Variants in RNF38 observed in about 807,000 individuals in gnomAD.
The protein encoded by RNF38 is ring finger protein 38.
Under a neutral mutation model 67.2 loss-of-function variants are expected in RNF38, and 15 were observed. The ratio of observed to expected loss-of-function variants is 0.22; its 90% CI spans 0.15 to 0.34. The LOEUF is 0.34. Ranked by LOEUF, RNF38 falls within the 10% of genes least tolerant of loss-of-function variation. The pLI, the probability that RNF38 is intolerant of heterozygous loss-of-function variation, is 1.00. For synonymous variants in RNF38, 220 were observed against 218.8 expected (o/e 1.01, Z -0.05); for missense variants, 524 against 639.9 (o/e 0.82, Z 1.95).
intron 2 of RNF38, 87 bp downstream of exon 2, chr9:36,390,380 A>T (rs1023853341): frequency 3.7e-5 from 41 of 1,113,676 alleles, no homozygotes; most frequent in Non-Finnish European, 4.8e-5. Context: ...AGGAGACGAT[A>T]TTGGGCATTT....
chr9:36,446,810 GAAAAAAAAA>G (rs60691553), intron 1 of RNF38, among the ~76,000 whole-genome samples: 52 of 28,218 alleles, frequency 1.8e-3, no homozygotes, highest in Non-Finnish European at 2.2e-3. Context: ...TCCGCCTCAA[GAAAAAAAAA>G]AAAAAAAAAA....
intron 2 of RNF38, among the ~76,000 whole-genome samples, chr9:36,422,734 G>C (rs1838663773): frequency 6.6e-6 from 1 of 152,174 alleles, no homozygotes; most frequent in African/African-American, 2.4e-5. Context: ...TTACCCTGCT[G>C]ATCTCCTGTT....
At chr9:36,413,488 AG>A (rs1165282138) in intron 2 of RNF38, among the ~76,000 whole-genome samples, 1 of 152,226 alleles carries the variant, frequency 6.6e-6, no homozygotes, top group Non-Finnish European at 1.5e-5. Context: ...CAGACACAAA[AG>A]GCTACATTTT....
chr9:36,399,523 AATATATTATAAATAT>A (rs1837832766), intron 1 of RNF38, among the ~76,000 whole-genome samples: 1 of 146,490 alleles, frequency 6.8e-6, no homozygotes, highest in African/African-American at 2.5e-5. Flanking sequence ...ATTATAAATA[AATATATTATAAATAT>A]ATATTTATAA....
intron 3 of RNF38, among the ~76,000 whole-genome samples, chr9:36,373,272 G>C (rs550142892): frequency 6.6e-6 from 1 of 152,266 alleles, no homozygotes; most frequent in African/African-American, 2.4e-5. Flanking sequence ...TACATAAATT[G>C]TGTGGTACAT....
intron 1 of RNF38, among the ~76,000 whole-genome samples, chr9:36,425,499 A>C (rs1243166962): frequency 6.6e-6 from 1 of 152,106 alleles, no homozygotes; most frequent in East Asian, 1.9e-4. Context: ...TTTGAGACCA[A>C]GCTGGCCAAC....
rs183380812 is a variant in RNF38 at position 36,446,799 on chromosome 9, C to T, written n.242-22116G>A. ...CTTCAGCCTGGGCGACAGAGTGAGA[C>T]TCCGCCTCAAGAAAAAAAAAAAAAA... On this transcript the variant is annotated intron_variant and non_coding_transcript_variant, in intron 1 of 3. Transcript: ENST00000488058. Among the ~76,000 whole-genome samples, 225 of 128,426 alleles carry T rather than the reference C, an allele frequency of 1.8e-3. 1 individual carries two copies. The highest frequency in any genetic ancestry group is 6.4e-3 in the African/African-American group (212 of 32,906). 84.3% of individuals were successfully genotyped at this position (128,426 alleles called of 152,430 possible).
At chr9:36,397,307 T>C in intron 1 of RNF38, among the ~76,000 whole-genome samples, 1 of 151,970 alleles carries the variant, frequency 6.6e-6, no homozygotes, top group East Asian at 1.9e-4. Flanking sequence ...AGAGACAGGA[T>C]TTCATCATAT....
chr9:36,391,381 T>A (rs1837070350), intron 1 of RNF38, among the ~76,000 whole-genome samples: 1 of 152,118 alleles, frequency 6.6e-6, no homozygotes, highest in Non-Finnish European at 1.5e-5. Flanking sequence ...ATACTTACTC[T>A]GTAACATTAA....
intron 1 of RNF38, among the ~76,000 whole-genome samples, chr9:36,433,400 A>T (rs1838979866): frequency 6.6e-6 from 1 of 151,998 alleles, no homozygotes. Flanking sequence ...ATAAATATAT[A>T]CACCTACTAG....
chr9:36,416,742 ATTTT>A (rs386414907), intron 2 of RNF38, among the ~76,000 whole-genome samples: 76 of 63,486 alleles, frequency 1.2e-3, no homozygotes, highest in African/African-American at 4.5e-3. Context: ...CTGCCTCGAT[ATTTT>A]TTTTTTTTTT....
intron 3 of RNF38, among the ~76,000 whole-genome samples, chr9:36,371,305 A>G (rs1021354948): frequency 6.6e-6 from 1 of 152,174 alleles, no homozygotes; most frequent in African/African-American, 2.4e-5. Flanking sequence ...TGCTCTTGAT[A>G]TTGTCCCTCC....
At chr9:36,365,316 C>A (rs757182199) in intron 4 of RNF38, among the ~76,000 whole-genome samples, 3 of 152,122 alleles carry the variant, frequency 2.0e-5, no homozygotes, top group Non-Finnish European at 4.4e-5. Context: ...CCTGTAATCC[C>A]AGCACTTTGG....
intron 1 of RNF38, among the ~76,000 whole-genome samples, chr9:36,439,611 C>T (rs1839147485): frequency 6.6e-6 from 1 of 151,882 alleles, no homozygotes; most frequent in Non-Finnish European, 1.5e-5. Context: ...TAAAGACTAG[C>T]CTGACCAACA....
intron 1 of RNF38, among the ~76,000 whole-genome samples, chr9:36,464,625 A>C (rs1445396172): frequency 6.6e-6 from 1 of 152,098 alleles, no homozygotes; most frequent in Non-Finnish European, 1.5e-5. Flanking sequence ...ATATCTACTC[A>C]TGTAACCCTA....
chr9:36,370,114 C>T lies in RNF38; in HGVS notation c.357-182G>A, dbSNP rs548397806. On this transcript the variant is annotated intron_variant, in intron 3 of 11. Coordinates refer to ENST00000259605, the MANE Select transcript of RNF38 (RefSeq NM_022781.5). Reference sequence around the variant, plus strand: ...TTAAATACAAGGTATATGTTTTATACAATAATGAAAGCAAACAGTATTGGT... The same window carrying T: ...TTAAATACAAGGTATATGTTTTATATAATAATGAAAGCAAACAGTATTGGT... Among the ~76,000 whole-genome samples, 112 of 152,140 alleles carry T rather than the reference C, an allele frequency of 7.4e-4. 1 individual carries two copies. The highest frequency in any genetic ancestry group is 3.4e-3 in the Middle Eastern group (1 of 294).
At chr9:36,399,026 C>A (rs139279797) in intron 1 of RNF38, among the ~76,000 whole-genome samples, 35 of 144,764 alleles carry the variant, frequency 2.4e-4, no homozygotes, top group African/African-American at 8.6e-4. Context: ...ATGCTGTTGG[C>A]AGAGAGACAA....
At chr9:36,427,384 C>T (rs1838799853) in intron 1 of RNF38, among the ~76,000 whole-genome samples, 1 of 152,206 alleles carries the variant, frequency 6.6e-6, no homozygotes, top group Non-Finnish European at 1.5e-5. Context: ...TTCCTCCTTT[C>T]TCCTGTACAA....
chr9:36,448,334 C>T (rs906813201), intron 1 of RNF38, among the ~76,000 whole-genome samples: 1 of 152,216 alleles, frequency 6.6e-6, no homozygotes, highest in Non-Finnish European at 1.5e-5. Context: ...TTCTAGCTGA[C>T]TTAATCTTCT....
Sources: gnomAD v4.1 joint callset for allele counts (sites outside exome capture counted in the v4.1 genomes callset) on GRCh38, gnomAD v4.1.1 for gene constraint, MANE v1.5 for transcripts, NCBI Gene and HGNC (gene_info 2026-07-23, HGNC 2026-07-21) for gene names.